KCNJ15: variants seen among roughly 807,000 people sequenced by gnomAD.
KCNJ15 encodes potassium inwardly rectifying channel subfamily J member 15, also known as ATP-sensitive inward rectifier potassium channel 15.
In KCNJ15, 14 loss-of-function variants were observed where a neutral mutation model predicts 23.0. That is an observed-to-expected ratio of 0.61 (90% confidence interval 0.40 to 0.95). The LOEUF (loss-of-function observed/expected upper bound fraction) is 0.95. Among genes scored for constraint, KCNJ15 ranks in the 40% least tolerant of loss-of-function variants. The pLI is 0.00. For missense variants in KCNJ15, 388 were observed against 461.8 expected (o/e 0.84, Z 1.46); for synonymous variants, 185 against 183.2 (o/e 1.01, Z -0.08).
In KCNJ15 at chr21:38,300,423, G is replaced by A; in HGVS notation, c.*34G>A. ...GCGCCATCCAGGTTTAACCCTGCAA[G>A]CTGTTTCCACATCAGAACTCCCTTC... On this transcript the variant is annotated 3_prime_UTR_variant, in exon 3 of 3. Coordinates refer to ENST00000398938, the MANE Select transcript of KCNJ15 (RefSeq NM_170736.3). The A allele has an allele frequency of 6.5e-7, 1 of 1,548,262 alleles. No individual in the cohort carries two copies. Among genetic ancestry groups the A allele is most frequent in the Non-Finnish European group, 8.7e-7 (1 of 1,145,832 alleles).
At chr21:38,289,768 G>A (rs1367473654) in intron 1 of KCNJ15, among the ~76,000 whole-genome samples, 2 of 152,070 alleles carry the variant, frequency 1.3e-5, no homozygotes, top group East Asian at 3.9e-4. Context: ...AGTGCATTAC[G>A]GAGGCTGACA....
At chr21:38,292,208 T>C (rs1380293675) in intron 1 of KCNJ15, among the ~76,000 whole-genome samples, 2 of 152,208 alleles carry the variant, frequency 1.3e-5, no homozygotes, top group Non-Finnish European at 2.9e-5. Context: ...TCTCTAAGCT[T>C]AGTTTCGTCA....
At chr21:38,298,126 C>A (rs947659686) in intron 2 of KCNJ15, 1 of 152,038 alleles carries the variant, frequency 6.6e-6, no homozygotes, top group African/African-American at 2.4e-5. Context: ...TGTAATCACC[C>A]GCATTATCTT....
Position 38,232,559 on chromosome 21 carries a change from C to A in KCNJ15, c.-398-24487C>A, listed in dbSNP as rs80288730. On this transcript the variant is annotated intron_variant, in intron 1 of 4. Transcript: ENST00000547341. ...TTTGGGTAATTGATTTGAGGTCTTTCTTCTTTTATAATGTAGATATTTATG... is the reference window on the plus strand; with the variant it reads ...TTTGGGTAATTGATTTGAGGTCTTTATTCTTTTATAATGTAGATATTTATG... Among the ~76,000 whole-genome samples, 26 of 151,816 alleles carry A rather than the reference C, an allele frequency of 1.7e-4. No individual in the cohort carries two copies. In the East Asian group the frequency reaches 4.2e-3, roughly 25 times the overall value.
chr21:38,265,490 G>C (rs1483679613), intron 1 of KCNJ15, among the ~76,000 whole-genome samples: 2 of 152,210 alleles, frequency 1.3e-5, no homozygotes, highest in Non-Finnish European at 2.9e-5. Context: ...GAAATGGTCT[G>C]ACTTGCTAGC....
intron 1 of KCNJ15, among the ~76,000 whole-genome samples, chr21:38,284,792 G>A (rs1298413502): frequency 3.3e-5 from 5 of 152,066 alleles, no homozygotes; most frequent in East Asian, 1.9e-4. Flanking sequence ...TATCCTCCTC[G>A]TTTCCTGGAA....
chr21:38,230,348 A>G (rs1383980098), intron 1 of KCNJ15, among the ~76,000 whole-genome samples: 1 of 151,968 alleles, frequency 6.6e-6, no homozygotes, highest in Non-Finnish European at 1.5e-5. Flanking sequence ...GTCTATTTAG[A>G]TCCATTATTG....
In KCNJ15 at chr21:38,303,748, A is replaced by G. The variant is rs1985940747; in HGVS notation, c.*3359A>G. The G allele has an allele frequency of 6.6e-6, 1 of 152,232 alleles. No homozygotes were observed. Among genetic ancestry groups the G allele is most frequent in the Non-Finnish European group, 1.5e-5 (1 of 68,042 alleles). 9.4% of individuals were successfully genotyped at this position (152,232 alleles called of 1,614,324 possible). A position where few individuals can be genotyped will look rare whatever the true frequency, so the allele number is the denominator to read the frequency against. On this transcript the variant is annotated 3_prime_UTR_variant, in exon 3 of 3. Coordinates refer to ENST00000398938, the MANE Select transcript of KCNJ15 (RefSeq NM_170736.3). Reference sequence around the variant, plus strand: ...ATTTTTAATAGACTGTGATTTCAATATTATCGAAATGTAAACAAAGATATA... The same window carrying G: ...ATTTTTAATAGACTGTGATTTCAATGTTATCGAAATGTAAACAAAGATATA...
At chr21:38,254,431 T>C (rs1980048462), upstream of KCNJ15, among the ~76,000 whole-genome samples, 1 of 152,208 alleles carries the variant, frequency 6.6e-6, no homozygotes, top group Non-Finnish European at 1.5e-5. Context: ...TTAAAATGTA[T>C]TTCTACTACT....
intron 1 of KCNJ15, among the ~76,000 whole-genome samples, chr21:38,244,194 G>A (rs1478534624): frequency 6.6e-6 from 1 of 151,838 alleles, no homozygotes; most frequent in Non-Finnish European, 1.5e-5. Flanking sequence ...ACTGCTTTTT[G>A]TGGTTAAACT....
At chr21:38,240,135 T>C (rs1254997782) in intron 1 of KCNJ15, among the ~76,000 whole-genome samples, 1 of 152,200 alleles carries the variant, frequency 6.6e-6, no homozygotes, top group East Asian at 1.9e-4. Flanking sequence ...TACCAGCACA[T>C]TTTATTACAG....
chr21:38,244,810 A>AGATGC (rs1466588523), intron 1 of KCNJ15, among the ~76,000 whole-genome samples: 2 of 152,298 alleles, frequency 1.3e-5, no homozygotes, highest in African/African-American at 4.8e-5. Flanking sequence ...GCTGCTAATG[A>AGATGC]GATGCTGGTA....
intron 1 of KCNJ15, among the ~76,000 whole-genome samples, chr21:38,265,336 C>G (rs534497112): frequency 1.3e-5 from 2 of 152,306 alleles, no homozygotes; most frequent in African/African-American, 4.8e-5. Context: ...TATGGCATTT[C>G]AGAGTCTAGG....
At chr21:38,277,865 G>A (rs182282029) in intron 1 of KCNJ15, among the ~76,000 whole-genome samples, 1 of 152,092 alleles carries the variant, frequency 6.6e-6, no homozygotes, top group Admixed American at 6.5e-5. Context: ...TTAATCCACG[G>A]ATTAAGTCAT....
In KCNJ15 at chr21:38,278,663, C is replaced by T. The variant is rs1001536648; in HGVS notation, c.-116-18263C>T. On this transcript the variant is annotated intron_variant, in intron 1 of 2. Coordinates refer to ENST00000398938, the MANE Select transcript of KCNJ15 (RefSeq NM_170736.3). ...AAGCACCTACCTAGAAAGGGTAACA[C>T]CCCAAAGGATAGACATGAGAACGCT... 6.6e-5 allele frequency among the ~76,000 whole-genome samples: 10 copies of T among 152,272 alleles called. No individual in the cohort carries two copies. The South Asian group carries it at 2.1e-3, about 32-fold the overall frequency.
chr21:38,242,498 G>GTGGGGC (rs1979078430), intron 1 of KCNJ15, among the ~76,000 whole-genome samples: 1 of 152,160 alleles, frequency 6.6e-6, no homozygotes, highest in African/African-American at 2.4e-5. Context: ...GTTTAAAGAG[G>GTGGGGC]TGGGGCTTTA....
chr21:38,302,698 A>C lies in KCNJ15; in HGVS notation c.*2309A>C, dbSNP rs1004673904. ...CTATTAAATTCTTTTCACAGTATTC[A>C]TATCAATGCTAATTTGAATGTGATG... On this transcript the variant is annotated 3_prime_UTR_variant, in exon 3 of 3. Transcript: ENST00000398938. 1 of 152,204 alleles carries C rather than the reference A, an allele frequency of 6.6e-6. No individual in the cohort carries two copies. The highest frequency in any genetic ancestry group is 2.4e-5 in the African/African-American group (1 of 41,462). 9.4% of individuals were successfully genotyped at this position (152,204 alleles called of 1,614,324 possible). A position where few individuals can be genotyped will look rare whatever the true frequency, so the allele number is the denominator to read the frequency against.
intron 1 of KCNJ15, among the ~76,000 whole-genome samples, chr21:38,281,657 T>G (rs1338304112): frequency 3.9e-5 from 6 of 152,226 alleles, no homozygotes; most frequent in Non-Finnish European, 7.3e-5. Flanking sequence ...AAAATTTTCT[T>G]TATCCATTCT....
intron 1 of KCNJ15, among the ~76,000 whole-genome samples, chr21:38,247,232 TGATGGATGGATG>T (rs765878058): frequency 9.2e-6 from 1 of 108,516 alleles, no homozygotes; most frequent in South Asian, 2.9e-4. Context: ...ATAAATGGAT[TGATGGATGGATG>T]GATGGATGGA....
Sources: allele counts gnomAD v4.1 joint callset (sites outside exome capture counted in the v4.1 genomes callset), GRCh38; gene constraint gnomAD v4.1.1; transcripts MANE v1.5; gene names NCBI Gene and HGNC (gene_info 2026-07-23, HGNC 2026-07-21).